The following CRYL1 variants were observed in gnomAD, a reference collection of about 807,000 sequenced individuals.
CRYL1 encodes the protein lambda-crystallin homolog.
Under a neutral mutation model 36.6 loss-of-function variants are expected in CRYL1, and 29 were observed. The observed-to-expected ratio is 0.79, with a 90% CI of 0.59 to 1.08. The LOEUF (loss-of-function observed/expected upper bound fraction) is 1.08. Ranked by LOEUF, CRYL1 falls within the 50% of genes least tolerant of loss-of-function variation. CRYL1 has a pLI of 0.00. For missense variants in CRYL1, 411 were observed against 407.9 expected (o/e 1.01, Z -0.06); for synonymous variants, 152 against 151.5 (o/e 1.00, Z -0.02).
At chr13:20,416,526 G>A (rs1057407239) in intron 5 of CRYL1, among the ~76,000 whole-genome samples, 1 of 152,160 alleles carries the variant, frequency 6.6e-6, no homozygotes, top group South Asian at 2.1e-4. Context: ...CTGGAATGCT[G>A]TGAAAGGCAG....
intron 3 of CRYL1, among the ~76,000 whole-genome samples, chr13:20,469,852 T>C (rs571592150): frequency 3.3e-5 from 5 of 152,208 alleles, no homozygotes; most frequent in Non-Finnish European, 5.9e-5. Context: ...GGGCTCCCGA[T>C]GGACTACGAC....
chr13:20,472,224 T>C (rs2033075850), intron 3 of CRYL1, among the ~76,000 whole-genome samples: 1 of 152,156 alleles, frequency 6.6e-6, no homozygotes. Context: ...TCCTCCTATA[T>C]ACTTTAAACC....
chr13:20,437,787 GCAGTAAACGTCTCGTCAAATAACT>G (rs2032263305), intron 4 of CRYL1, among the ~76,000 whole-genome samples: 1 of 152,134 alleles, frequency 6.6e-6, no homozygotes, highest in Non-Finnish European at 1.5e-5. Context: ...TTAAAGAGAT[GCAGTAAACGTCTCGTCAAATAACT>G]CAGGAGGTAT....
At chr13:20,447,653 G>A (rs1006658190) in intron 3 of CRYL1, among the ~76,000 whole-genome samples, 10 of 152,158 alleles carry the variant, frequency 6.6e-5, no homozygotes, top group African/African-American at 2.4e-4. Flanking sequence ...TAAAGGTGGA[G>A]CAAGTACTAA....
chr13:20,453,012 C>T (rs1419998946), intron 3 of CRYL1, among the ~76,000 whole-genome samples: 1 of 152,260 alleles, frequency 6.6e-6, no homozygotes, highest in East Asian at 1.9e-4. Context: ...AACAAATCCA[C>T]GATTACTGCT....
intron 2 of CRYL1, among the ~76,000 whole-genome samples, chr13:20,499,676 C>G (rs917575555): frequency 6.6e-6 from 1 of 152,034 alleles, no homozygotes; most frequent in Non-Finnish European, 1.5e-5. Flanking sequence ...ATGTAGGAAG[C>G]ATTGTCAAAT....
At position 20,404,011 on chromosome 13, in the gene CRYL1, A is replaced by T. The variant is rs1237399456; in HGVS notation, c.*118T>A. ...CCACCCCACTCAGGCTGCACACAAG[A>T]CAGCCAGCTTAGGATCTCCGTGGGC... On this transcript the variant is annotated 3_prime_UTR_variant, in exon 8 of 8. Transcript: ENST00000298248. 3 of 715,998 alleles carry T rather than the reference A, an allele frequency of 4.2e-6. No individual in the cohort carries two copies. The highest frequency in any genetic ancestry group is 3.8e-4 in the Middle Eastern group (1 of 2,630). 44.4% of individuals were successfully genotyped at this position (715,998 alleles called of 1,614,324 possible). A position where few individuals can be genotyped will look rare whatever the true frequency, so the allele number is the denominator to read the frequency against.
Position 20,439,690 on chromosome 13 carries a change from T to A in CRYL1, c.341A>T (p.Asp114Val). The A allele has an allele frequency of 6.2e-7, 1 of 1,614,102 alleles. No individual in the cohort carries two copies. The highest frequency in any genetic ancestry group is 8.5e-7 in the Non-Finnish European group (1 of 1,179,998). ...KIFAQLDSII[D>V]DRVILSSSTS... ...GGAACTGCTTAAGATCACTCGATCA[T>A]CAATGATGGAATCTAACTGAGCAAA... Residue 114 changes from aspartate to valine, a missense_variant, in exon 4 of 8, where the codon GAT (aspartate) becomes GTT (valine). Coordinates refer to ENST00000298248, the MANE Select transcript of CRYL1 (RefSeq NM_015974.3).
chr13:20,456,734 G>A lies in CRYL1; in HGVS notation c.277-16980C>T, dbSNP rs1489247942. Among the ~76,000 whole-genome samples, 7 of 151,760 alleles carry A rather than the reference G, an allele frequency of 4.6e-5. No individual in the cohort carries two copies. In the East Asian group the frequency reaches 1.4e-3, roughly 29 times the overall value. ...CTTCCTTCTCTTCCTAGCCAGCTAT[G>A]CTCCTGTTACACGACCTGCCCACCC... On this transcript the variant is annotated intron_variant, in intron 3 of 7. Coordinates refer to ENST00000298248, the MANE Select transcript of CRYL1 (RefSeq NM_015974.3).
intron 3 of CRYL1, among the ~76,000 whole-genome samples, chr13:20,449,965 T>C (rs1293555929): frequency 6.6e-6 from 1 of 152,156 alleles, no homozygotes; most frequent in East Asian, 1.9e-4. Context: ...AATGAAAAAG[T>C]ATTCCATGCT....
intron 2 of CRYL1, among the ~76,000 whole-genome samples, chr13:20,508,875 A>AAAAAAAAAAAAAAC (rs1491583448): frequency 2.2e-4 from 3 of 13,800 alleles, no homozygotes; most frequent in African/African-American, 4.2e-4. Flanking sequence ...AAAAAAAAAA[A>AAAAAAAAAAAAAAC]CAAAAAAAAA....
intron 1 of CRYL1, among the ~76,000 whole-genome samples, chr13:20,524,524 T>C (rs893062883): frequency 6.6e-6 from 1 of 152,076 alleles, no homozygotes; most frequent in Non-Finnish European, 1.5e-5. Context: ...ACTACAGGCA[T>C]GTGCCACTAC....
intron 2 of CRYL1, among the ~76,000 whole-genome samples, chr13:20,495,208 G>C (rs1292562449): frequency 6.6e-6 from 1 of 152,162 alleles, no homozygotes; most frequent in African/African-American, 2.4e-5. Context: ...AATCAACCGG[G>C]ATTTTCAAAT....
intron 5 of CRYL1, among the ~76,000 whole-genome samples, chr13:20,420,669 T>G (rs1473581769): frequency 5.4e-5 from 8 of 146,910 alleles, no homozygotes; most frequent in African/African-American, 1.3e-4. Flanking sequence ...ACAGGTGGAG[T>G]TTTTCCCTTT....
chr13:20,497,336 CACACACTACACACACACCACCAT>C (rs2033625061), intron 2 of CRYL1, among the ~76,000 whole-genome samples: 1 of 3,816 alleles, frequency 2.6e-4, no homozygotes, highest in African/African-American at 2.9e-4. Flanking sequence ...CACACCACCA[CACACACTACACACACACCACCAT>C]ACACACAACT....
At chr13:20,449,177 T>G (rs1169241783) in intron 3 of CRYL1, among the ~76,000 whole-genome samples, 1 of 152,172 alleles carries the variant, frequency 6.6e-6, no homozygotes, top group Non-Finnish European at 1.5e-5. Flanking sequence ...AGAAATGAAA[T>G]AATTGAAGGT....
At chr13:20,518,886 G>A (rs1327669607) in intron 1 of CRYL1, among the ~76,000 whole-genome samples, 1 of 152,230 alleles carries the variant, frequency 6.6e-6, no homozygotes, top group African/African-American at 2.4e-5. Context: ...ACAGTGCCAA[G>A]TTTCTTTTGG....
intron 5 of CRYL1, among the ~76,000 whole-genome samples, chr13:20,416,152 G>A (rs2031658123): frequency 6.6e-6 from 1 of 152,120 alleles, no homozygotes; most frequent in Non-Finnish European, 1.5e-5. Context: ...GCAAAGTTTC[G>A]CTAATCTGGT....
intron 5 of CRYL1, chr13:20,418,590 T>G (rs2031727841): frequency 6.6e-6 from 1 of 152,264 alleles, no homozygotes; most frequent in Non-Finnish European, 1.5e-5. Context: ...ATGTATTTTT[T>G]GCATGGCCTC....
Sources: allele counts gnomAD v4.1 joint callset (sites outside exome capture counted in the v4.1 genomes callset), GRCh38; gene constraint gnomAD v4.1.1; transcripts MANE v1.5; gene names NCBI Gene and HGNC (gene_info 2026-07-23, HGNC 2026-07-21).